Variants in TEAD1 observed in about 807,000 individuals in gnomAD.
TEAD1 encodes the protein transcriptional enhancer factor TEF-1.
In TEAD1, 9 loss-of-function variants were observed where a neutral mutation model predicts 54.9. The ratio of observed to expected loss-of-function variants is 0.16; its 90% confidence interval spans 0.10 to 0.29. The LOEUF is 0.29. Ranked by LOEUF, TEAD1 falls within the 10% of genes least tolerant of loss-of-function variation. The pLI, the probability that TEAD1 is intolerant of heterozygous loss-of-function variation, is 1.00. For missense variants in TEAD1, 387 were observed against 535.9 expected (o/e 0.72, Z 2.74); for synonymous variants, 200 against 187.8 (o/e 1.07, Z -0.53).
chr11:12,894,625 C>T (rs1353003071), intron 9 of TEAD1, among the ~76,000 whole-genome samples: 1 of 152,136 alleles, frequency 6.6e-6, no homozygotes, highest in Non-Finnish European at 1.5e-5. Flanking sequence ...GGACGCCAGA[C>T]CCCACAAGGC....
At chr11:12,719,816 T>G (rs1251539031) in intron 2 of TEAD1, among the ~76,000 whole-genome samples, 1 of 152,010 alleles carries the variant, frequency 6.6e-6, no homozygotes, top group East Asian at 1.9e-4. Flanking sequence ...TTGAAAATTA[T>G]GGTTTGTGAA....
intron 3 of TEAD1, among the ~76,000 whole-genome samples, chr11:12,800,597 C>G (rs989949224): frequency 6.6e-6 from 1 of 152,180 alleles, no homozygotes; most frequent in Non-Finnish European, 1.5e-5. Flanking sequence ...GTCAGCTTCC[C>G]TCCTCCTGAC....
At chr11:12,732,844 T>C (rs1370710275) in intron 2 of TEAD1, among the ~76,000 whole-genome samples, 1 of 152,218 alleles carries the variant, frequency 6.6e-6, no homozygotes, top group Non-Finnish European at 1.5e-5. Flanking sequence ...AATGGTCTTA[T>C]CTGCTTCTTT....
rs1222767592 is a variant in TEAD1, at chr11:12,768,672, A to G, written c.202+4238A>G. ...GGTAGAGACCGTTATACATAAATCC[A>G]GTGAATCAGTATTGAGCCCCAGCGC... On this transcript the variant is annotated intron_variant, in intron 3 of 12. Transcript: ENST00000527636. 3.3e-5 allele frequency among the ~76,000 whole-genome samples: 5 copies of G among 152,188 alleles called. No homozygotes were observed. In the East Asian group the frequency reaches 9.6e-4, roughly 29 times the overall value.
intron 2 of TEAD1, among the ~76,000 whole-genome samples, chr11:12,714,904 C>A (rs967112806): frequency 2.7e-4 from 41 of 152,248 alleles, no homozygotes; most frequent in African/African-American, 9.1e-4. Flanking sequence ...TTGTTAATCA[C>A]CTCTTTAAAA....
intron 3 of TEAD1, among the ~76,000 whole-genome samples, chr11:12,849,722 C>A (rs556236366): frequency 6.6e-6 from 1 of 152,286 alleles, no homozygotes; most frequent in South Asian, 2.1e-4. Flanking sequence ...ACACCTCCAG[C>A]CTATTCATAG....
At chr11:12,926,886 C>T (rs1260182101) in intron 11 of TEAD1, among the ~76,000 whole-genome samples, 1 of 152,150 alleles carries the variant, frequency 6.6e-6, no homozygotes, top group African/African-American at 2.4e-5. Flanking sequence ...ACCTCCTCGC[C>T]TCTAAGAAGG....
At chr11:12,683,338 T>C (rs1448659211) in intron 2 of TEAD1, among the ~76,000 whole-genome samples, 1 of 152,234 alleles carries the variant, frequency 6.6e-6, no homozygotes, top group Admixed American at 6.5e-5. Context: ...TCTCTAGTCC[T>C]AAGGATCTGG....
chr11:12,717,207 G>T (rs987856754), intron 2 of TEAD1, among the ~76,000 whole-genome samples: 1 of 152,200 alleles, frequency 6.6e-6, no homozygotes, highest in Non-Finnish European at 1.5e-5. Context: ...TTGAATGTGG[G>T]GCAGTTGTAT....
chr11:12,930,176 G>A lies in TEAD1; in HGVS notation c.1017G>A (p.Thr339=), dbSNP rs186960104. The stretch of plus-strand genomic sequence containing the variant: ...CTGAAATCCTTTTTTCCTCACAGAC[G>A]GAGTATGCAAGGTTTGAGAATGGCC... Residue 339 remains threonine, a splice_region_variant and synonymous_variant, in exon 12 of 13, where the codon ACG becomes ACA. Transcript: ENST00000527636. 65 of 1,614,148 alleles carry A rather than the reference G, an allele frequency of 4.0e-5. No homozygotes were observed. Among genetic ancestry groups the A allele is most frequent in the Non-Finnish European group, 5.4e-5 (64 of 1,180,028 alleles).
At chr11:12,815,406 G>A (rs1445806562) in intron 3 of TEAD1, among the ~76,000 whole-genome samples, 1 of 152,128 alleles carries the variant, frequency 6.6e-6, no homozygotes, top group Non-Finnish European at 1.5e-5. Context: ...ATTCGTACTT[G>A]ATTGTGGGTT....
At chr11:12,684,439 T>A (rs1943290435) in intron 2 of TEAD1, among the ~76,000 whole-genome samples, 1 of 152,214 alleles carries the variant, frequency 6.6e-6, no homozygotes, top group South Asian at 2.1e-4. Context: ...GGAACTCATC[T>A]TTTCATAGCA....
chr11:12,815,864 C>A (rs773940764), intron 3 of TEAD1, among the ~76,000 whole-genome samples: 4 of 152,314 alleles, frequency 2.6e-5, no homozygotes, highest in Non-Finnish European at 4.4e-5. Context: ...TCAATGAATT[C>A]TTTCCTGTTA....
intron 3 of TEAD1, among the ~76,000 whole-genome samples, chr11:12,809,987 T>C (rs1946263724): frequency 6.8e-6 from 1 of 146,310 alleles, no homozygotes; most frequent in Non-Finnish European, 1.5e-5. Context: ...TTTTTTTTTT[T>C]TTTTTTTTTT....
chr11:12,764,027 G>T (rs1291368969), intron 2 of TEAD1, among the ~76,000 whole-genome samples, 152 bp from the exon 3 acceptor site: 1 of 152,098 alleles, frequency 6.6e-6, no homozygotes, highest in Admixed American at 6.5e-5. Context: ...GAACTTAACC[G>T]TGTAACCCAA....
At chr11:12,868,707 A>G (rs1419878365) in intron 5 of TEAD1, among the ~76,000 whole-genome samples, 1 of 152,256 alleles carries the variant, frequency 6.6e-6, no homozygotes, top group Non-Finnish European at 1.5e-5. Flanking sequence ...CGTAGATTTG[A>G]ACTTGAAAAG....
intron 2 of TEAD1, among the ~76,000 whole-genome samples, chr11:12,682,700 G>A (rs1943247615): frequency 6.6e-6 from 1 of 152,116 alleles, no homozygotes; most frequent in African/African-American, 2.4e-5. Flanking sequence ...AAACATTTAT[G>A]GGTGCTACTG....
intron 12 of TEAD1, among the ~76,000 whole-genome samples, chr11:12,935,652 G>T (rs1247132020): frequency 2.0e-5 from 3 of 152,054 alleles, no homozygotes; most frequent in African/African-American, 7.2e-5. Context: ...TAGAGACGGG[G>T]TTTCACAGTG....
At chr11:12,736,259 C>G (rs1944528987) in intron 2 of TEAD1, among the ~76,000 whole-genome samples, 1 of 152,082 alleles carries the variant, frequency 6.6e-6, no homozygotes, top group African/African-American at 2.4e-5. Context: ...ATGTGTACAG[C>G]CTTTTAAGAC....
Sources: gnomAD v4.1 joint callset for allele counts (sites outside exome capture counted in the v4.1 genomes callset) on GRCh38, gnomAD v4.1.1 for gene constraint, MANE v1.5 for transcripts, NCBI Gene and HGNC (gene_info 2026-07-23, HGNC 2026-07-21) for gene names.